The following UNC5D variants were observed in gnomAD, a reference collection of about 807,000 sequenced individuals.
UNC5D encodes unc-5 netrin receptor D.
Under a neutral mutation model 105.4 loss-of-function variants are expected in UNC5D, and 39 were observed. The ratio of observed to expected loss-of-function variants is 0.37; its 90% CI spans 0.29 to 0.48. UNC5D has a LOEUF of 0.48. Ranked by LOEUF, UNC5D falls within the 20% of genes least tolerant of loss-of-function variation. The pLI is 0.98. For synonymous variants in UNC5D, 452 were observed against 450.4 expected, an observed-to-expected ratio of 1.00 and a Z score of -0.04; for missense variants, 991 against 1,202.4, an observed-to-expected ratio of 0.82 and a Z score of 2.60.
intron 1 of UNC5D, among the ~76,000 whole-genome samples, chr8:35,261,463 A>C (rs1279333886): frequency 2.0e-5 from 3 of 152,244 alleles, no homozygotes; most frequent in African/African-American, 7.2e-5. Context: ...ATCATTTAAT[A>C]ATGATGAACA....
intron 3 of UNC5D, among the ~76,000 whole-genome samples, chr8:35,569,053 A>G (rs1817552464): frequency 9.1e-6 from 1 of 109,648 alleles, no homozygotes; most frequent in African/African-American, 7.4e-5. Flanking sequence ...GTAGGACTAA[A>G]AAAAAAAAAA....
At chr8:35,588,609 G>A (rs1818950916) in intron 3 of UNC5D, among the ~76,000 whole-genome samples, 2 of 152,290 alleles carry the variant, frequency 1.3e-5, no homozygotes, top group Non-Finnish European at 2.9e-5. Flanking sequence ...TAGAGCATAT[G>A]CTCTGGGAAG....
intron 10 of UNC5D, among the ~76,000 whole-genome samples, chr8:35,728,402 A>G (rs1165678320): frequency 6.6e-6 from 1 of 152,166 alleles, no homozygotes; most frequent in Non-Finnish European, 1.5e-5. Flanking sequence ...CCAGAGATTT[A>G]CCTTCACCTC....
chr8:35,269,025 T>C (rs1229161533), intron 1 of UNC5D, among the ~76,000 whole-genome samples: 2 of 152,198 alleles, frequency 1.3e-5, no homozygotes, highest in East Asian at 3.8e-4. Context: ...CATTAATCTA[T>C]TGCCTATTAC....
chr8:35,696,243 C>A (rs1269218179), intron 7 of UNC5D, among the ~76,000 whole-genome samples: 1 of 150,294 alleles, frequency 6.7e-6, no homozygotes, highest in Non-Finnish European at 1.5e-5. Context: ...TCCCAGATTC[C>A]AAAATTAGCA....
chr8:35,481,359 A>T (rs1810467682), intron 1 of UNC5D, among the ~76,000 whole-genome samples: 1 of 152,166 alleles, frequency 6.6e-6, no homozygotes, highest in South Asian at 2.1e-4. Flanking sequence ...TGATCATGCC[A>T]CTGCACTCCA....
intron 5 of UNC5D, among the ~76,000 whole-genome samples, chr8:35,684,232 G>A (rs960931602): frequency 6.6e-6 from 1 of 152,160 alleles, no homozygotes; most frequent in Non-Finnish European, 1.5e-5. Flanking sequence ...GAAGAGCCCT[G>A]GGATTTATTT....
chr8:35,442,399 G>T (rs1375070819), intron 1 of UNC5D, among the ~76,000 whole-genome samples: 1 of 151,828 alleles, frequency 6.6e-6, no homozygotes, highest in African/African-American at 2.4e-5. Flanking sequence ...ATGAAAGATT[G>T]ATTGTGACAA....
At chr8:35,728,071 TAAAAA>T (rs71215643) in intron 10 of UNC5D, among the ~76,000 whole-genome samples, 13 of 41,038 alleles carry the variant, frequency 3.2e-4, no homozygotes, top group African/African-American at 1.3e-3. Context: ...TTGCTGTCTC[TAAAAA>T]AAAAAAAAAA....
chr8:35,716,866 C>T (rs1266982651), intron 8 of UNC5D, among the ~76,000 whole-genome samples: 18 of 152,186 alleles, frequency 1.2e-4, no homozygotes, highest in Admixed American at 1.1e-3. Flanking sequence ...TTCTTGATGA[C>T]AACATATATA....
intron 1 of UNC5D, among the ~76,000 whole-genome samples, chr8:35,291,499 G>T (rs1807062991): frequency 1.3e-5 from 2 of 152,134 alleles, no homozygotes. Flanking sequence ...TGGGCCTATG[G>T]AGCTGATGGT....
chr8:35,685,242 T>A, intron 6 of UNC5D, among the ~76,000 whole-genome samples: 1 of 152,246 alleles, frequency 6.6e-6, no homozygotes, highest in East Asian at 1.9e-4. Flanking sequence ...GACTGTATAC[T>A]GTCACAGCAG....
intron 1 of UNC5D, among the ~76,000 whole-genome samples, chr8:35,451,405 A>C (rs1395970840): frequency 6.6e-6 from 1 of 152,090 alleles, no homozygotes; most frequent in African/African-American, 2.4e-5. Flanking sequence ...TCTAATTAGC[A>C]CATCATTAGG....
chr8:35,724,971 C>T (rs527598000), intron 9 of UNC5D, among the ~76,000 whole-genome samples: 1 of 152,280 alleles, frequency 6.6e-6, no homozygotes, highest in East Asian at 1.9e-4. Flanking sequence ...GATCCTTTAG[C>T]TCTATAGCAT....
chr8:35,494,026 T>G (rs1811382907), intron 1 of UNC5D, among the ~76,000 whole-genome samples: 1 of 152,200 alleles, frequency 6.6e-6, no homozygotes, highest in Non-Finnish European at 1.5e-5. Flanking sequence ...TAGATAGTTC[T>G]ATTTAATACA....
chr8:35,293,812 A>G (rs772312667), intron 1 of UNC5D, among the ~76,000 whole-genome samples: 27 of 152,338 alleles, frequency 1.8e-4, no homozygotes, highest in African/African-American at 6.0e-4. Flanking sequence ...GGCTCTCCCA[A>G]TAGTGTTGAC....
intron 16 of UNC5D, among the ~76,000 whole-genome samples, chr8:35,783,782 A>C (rs1466376322): frequency 6.6e-6 from 1 of 152,176 alleles, no homozygotes; most frequent in Non-Finnish European, 1.5e-5. Context: ...TCCTTTTCAT[A>C]AAATTAGCCC....
intron 1 of UNC5D, among the ~76,000 whole-genome samples, chr8:35,401,700 TAA>T (rs569168772): frequency 5.2e-4 from 79 of 152,250 alleles, no homozygotes; most frequent in African/African-American, 1.8e-3. Flanking sequence ...CAGGCTAGAA[TAA>T]AGAGACGTCT....
chr8:35,490,879 T>C (rs1811169221), intron 1 of UNC5D, among the ~76,000 whole-genome samples: 1 of 152,140 alleles, frequency 6.6e-6, no homozygotes, highest in African/African-American at 2.4e-5. Context: ...TTTTAATTTT[T>C]TACCAAAATT....
Sources: gnomAD v4.1 joint callset for allele counts (sites outside exome capture counted in the v4.1 genomes callset) on GRCh38, gnomAD v4.1.1 for gene constraint, MANE v1.5 for transcripts, NCBI Gene and HGNC (gene_info 2026-07-23, HGNC 2026-07-21) for gene names.